The following GALNT10 variants were observed in gnomAD, a reference collection of about 807,000 sequenced individuals.
GALNT10 encodes the protein GalNAc transferase 10.
Under a neutral mutation model 75.0 loss-of-function variants are expected in GALNT10, and 41 were observed. The observed-to-expected ratio is 0.55, with a 90% CI of 0.43 to 0.71. The LOEUF (loss-of-function observed/expected upper bound fraction) is 0.71. Ranked by LOEUF, GALNT10 falls within the 30% of genes least tolerant of loss-of-function variation. The pLI is 0.00. For missense variants in GALNT10, 727 were observed against 818.5 expected, an observed-to-expected ratio of 0.89 and a Z score of 1.36; for synonymous variants, 302 against 313.0, an observed-to-expected ratio of 0.96 and a Z score of 0.37.
intron 4 of GALNT10, chr5:154,356,023 G>C (rs922542226): frequency 1.3e-4 from 56 of 419,714 alleles, no homozygotes; most frequent in Non-Finnish European, 1.3e-4. Context: ...ATGACAGAGA[G>C]AGCCTTCATT....
chr5:154,251,421 G>A (rs1370436194), intron 1 of GALNT10, among the ~76,000 whole-genome samples: 1 of 152,090 alleles, frequency 6.6e-6, no homozygotes, highest in Non-Finnish European at 1.5e-5. Context: ...ATTTTCCACA[G>A]TCTGGATTTT....
intron 1 of GALNT10, among the ~76,000 whole-genome samples, chr5:154,262,886 C>T (rs1365562888): frequency 2.0e-5 from 3 of 151,678 alleles, no homozygotes; most frequent in Non-Finnish European, 4.4e-5. Context: ...TGAATTGGTC[C>T]AGATTAAAGA....
chr5:154,269,902 A>G (rs757406137), intron 1 of GALNT10, among the ~76,000 whole-genome samples: 32 of 152,324 alleles, frequency 2.1e-4, no homozygotes, highest in Non-Finnish European at 2.1e-4. Flanking sequence ...GTCTGAAGGA[A>G]GAAGGAAAGA....
At chr5:154,279,734 C>A (rs1754011508) in intron 1 of GALNT10, among the ~76,000 whole-genome samples, 1 of 151,852 alleles carries the variant, frequency 6.6e-6, no homozygotes, top group South Asian at 2.1e-4. Flanking sequence ...GAATGTGCCA[C>A]CACACCTGAC....
chr5:154,300,079 T>C (rs1412894955), intron 3 of GALNT10, among the ~76,000 whole-genome samples: 1 of 152,142 alleles, frequency 6.6e-6, no homozygotes, highest in Non-Finnish European at 1.5e-5. Flanking sequence ...CAAGTGATCT[T>C]TCTGCCTCAG....
chr5:154,194,585 C>A (rs952623849), intron 1 of GALNT10, among the ~76,000 whole-genome samples: 1 of 152,184 alleles, frequency 6.6e-6, no homozygotes, highest in Non-Finnish European at 1.5e-5. Context: ...AGAGACCTGG[C>A]TTTTAGTCCT....
At chr5:154,316,128 T>C (rs557155481) in intron 3 of GALNT10, among the ~76,000 whole-genome samples, 1 of 152,350 alleles carries the variant, frequency 6.6e-6, no homozygotes, top group East Asian at 1.9e-4. Flanking sequence ...TTGAATCTTC[T>C]TGAAGATCCC....
chr5:154,236,971 GC>G (rs1054745281), intron 1 of GALNT10, among the ~76,000 whole-genome samples: 7 of 152,134 alleles, frequency 4.6e-5, no homozygotes, highest in Non-Finnish European at 8.8e-5. Flanking sequence ...GGGGTCTGGG[GC>G]AAAAAGATGT....
At chr5:154,394,561 G>A (rs1460831613) in intron 7 of GALNT10, among the ~76,000 whole-genome samples, 5 of 152,124 alleles carry the variant, frequency 3.3e-5, no homozygotes, top group African/African-American at 7.2e-5. Flanking sequence ...ATCTCATTCC[G>A]CCTGGTGGTA....
intron 1 of GALNT10, among the ~76,000 whole-genome samples, chr5:154,202,650 C>T (rs554061853): frequency 6.6e-6 from 1 of 152,362 alleles, no homozygotes; most frequent in Admixed American, 6.5e-5. Context: ...CTCCTCTGGG[C>T]AAGTCTTTTA....
At chr5:154,394,388 G>C (rs1325518846) in intron 7 of GALNT10, among the ~76,000 whole-genome samples, 1 of 150,228 alleles carries the variant, frequency 6.7e-6, no homozygotes, top group African/African-American at 2.5e-5. Flanking sequence ...AAGACTAAGT[G>C]AAACAGGACG....
intron 3 of GALNT10, among the ~76,000 whole-genome samples, chr5:154,309,602 A>T (rs1391060271): frequency 6.6e-6 from 1 of 152,116 alleles, no homozygotes; most frequent in Non-Finnish European, 1.5e-5. Context: ...GAAGGTGGAG[A>T]TGGAGGTGCC....
chr5:154,365,011 G>A (rs1338110540), intron 4 of GALNT10, among the ~76,000 whole-genome samples: 1 of 152,236 alleles, frequency 6.6e-6, no homozygotes, highest in South Asian at 2.1e-4. Context: ...TTATTAAACA[G>A]ATTTATGGCC....
chr5:154,359,800 C>G (rs1755354986), intron 4 of GALNT10, among the ~76,000 whole-genome samples: 3 of 150,768 alleles, frequency 2.0e-5, no homozygotes, highest in Admixed American at 1.3e-4. Context: ...TCAAGTATGC[C>G]ATTTAAAATA....
In GALNT10 at chr5:154,412,865, ACTT is replaced by A. The variant is rs1756428190; in HGVS notation, c.1387-19_1387-17del. 8.4e-6 allele frequency: 13 copies of A among 1,546,704 alleles called. No homozygotes were observed. Among genetic ancestry groups the A allele is most frequent in the Non-Finnish European group, 1.2e-5 (13 of 1,119,104 alleles). ...GCACCTTAAGGCACCTCAGTGGTCC[ACTT>A]CTTCCCTCTTTCCCTTTCAGATCCG... On this transcript the variant is annotated intron_variant, in intron 9 of 11. Coordinates refer to ENST00000297107, the MANE Select transcript of GALNT10 (RefSeq NM_198321.4). The surrounding 1 kb of genome is among the most constrained non-coding windows in gnomAD (Gnocchi z 4.2).
chr5:154,267,896 AG>A (rs1753801496), intron 1 of GALNT10, among the ~76,000 whole-genome samples: 1 of 152,314 alleles, frequency 6.6e-6, no homozygotes, highest in South Asian at 2.1e-4. Flanking sequence ...CATTAAAAAA[AG>A]AAAAAGTCTC....
chr5:154,363,699 G>T (rs970064570), intron 4 of GALNT10, among the ~76,000 whole-genome samples: 2 of 152,060 alleles, frequency 1.3e-5, no homozygotes, highest in Non-Finnish European at 2.9e-5. Flanking sequence ...TGGGGAGAGA[G>T]GTTTGAGTGG....
chr5:154,388,524 A>G (rs1755840781), intron 7 of GALNT10: 1 of 152,142 alleles, frequency 6.6e-6, no homozygotes, highest in African/African-American at 2.4e-5. Flanking sequence ...AGCTCAGACC[A>G]AGGCCTCGCA....
chr5:154,218,772 A>G (rs1752922479), intron 1 of GALNT10, among the ~76,000 whole-genome samples: 1 of 152,078 alleles, frequency 6.6e-6, no homozygotes, highest in Middle Eastern at 3.2e-3. Flanking sequence ...TGTAAGCCCC[A>G]AGTTTCTCCA....
Sources: gnomAD v4.1 joint callset for allele counts (sites outside exome capture counted in the v4.1 genomes callset) on GRCh38, gnomAD v4.1.1 for gene constraint, Gnocchi (gnomAD v3.1) non-coding constraint, MANE v1.5 for transcripts, NCBI Gene and HGNC (gene_info 2026-07-23, HGNC 2026-07-21) for gene names.